The following DCDC1 variants were observed in gnomAD, a reference collection of about 807,000 sequenced individuals.
DCDC1 encodes doublecortin domain-containing protein 1.
DCDC1 carries 200 observed loss-of-function variants against 178.3 expected under a neutral mutation model. The observed-to-expected ratio is 1.12, with a 90% CI of 1.00 to 1.26. DCDC1 has a LOEUF of 1.26. DCDC1 is among the 50% of genes most tolerant of loss of function. DCDC1 has a pLI of 0.00. For missense variants in DCDC1, 1,983 were observed against 1,749.2 expected, an observed-to-expected ratio of 1.13 and a Z score of -2.38; for synonymous variants, 690 against 604.8, an observed-to-expected ratio of 1.14 and a Z score of -2.07.
intron 11 of DCDC1, among the ~76,000 whole-genome samples, chr11:31,112,304 C>A (rs1007054361): frequency 6.6e-6 from 1 of 152,110 alleles, no homozygotes; most frequent in Non-Finnish European, 1.5e-5. Context: ...TTTACTTATT[C>A]CTCCTTTGCC....
chr11:31,246,053 C>T (rs1943538239), intron 8 of DCDC1, among the ~76,000 whole-genome samples: 1 of 151,764 alleles, frequency 6.6e-6, no homozygotes, highest in Non-Finnish European at 1.5e-5. Context: ...AATATATATC[C>T]CTCTCCAAAA....
At chr11:31,361,303 G>T (rs1044932342) in intron 1 of DCDC1, among the ~76,000 whole-genome samples, 1 of 152,080 alleles carries the variant, frequency 6.6e-6, no homozygotes, top group Non-Finnish European at 1.5e-5. Flanking sequence ...TGCAAGGGAT[G>T]GAATTCCACA....
chr11:30,883,400 A>AAGG (rs1308980514), intron 36 of DCDC1: 2 of 400,408 alleles, frequency 5.0e-6, no homozygotes, highest in Admixed American at 7.0e-5. Flanking sequence ...AAACCTATAC[A>AAGG]TTATTGGTGT....
chr11:31,366,919 G>A (rs1241813223), intron 1 of DCDC1, among the ~76,000 whole-genome samples: 4 of 152,204 alleles, frequency 2.6e-5, no homozygotes, highest in African/African-American at 4.8e-5. Context: ...CTGTCTAGAT[G>A]CAGTAATCTG....
At chr11:31,305,815 A>G (rs775089612) in intron 5 of DCDC1, 38 bp from the exon 6 acceptor site, 13 of 1,601,200 alleles carry the variant, frequency 8.1e-6, no homozygotes, top group Non-Finnish European at 8.5e-7. Flanking sequence ...GTGATTTACT[A>G]CAAAGAAAGT....
At chr11:31,255,456 A>G (rs1049652913) in intron 8 of DCDC1, among the ~76,000 whole-genome samples, 21 of 151,956 alleles carry the variant, frequency 1.4e-4, no homozygotes, top group African/African-American at 5.1e-4. Flanking sequence ...TACATCCTCA[A>G]CAACACTTGT....
chr11:31,246,112 A>T (rs1393828980), intron 8 of DCDC1, among the ~76,000 whole-genome samples: 1 of 152,032 alleles, frequency 6.6e-6, no homozygotes, highest in Non-Finnish European at 1.5e-5. Flanking sequence ...TTTCAATCAA[A>T]TATGGAAAGC....
intron 11 of DCDC1, among the ~76,000 whole-genome samples, chr11:31,121,640 A>C (rs1960822736): frequency 6.6e-6 from 1 of 151,566 alleles, no homozygotes; most frequent in African/African-American, 2.4e-5. Flanking sequence ...CAATATGAAA[A>C]AGCAGCTCAG....
At chr11:31,068,111 A>G (rs1409174815) in intron 18 of DCDC1, among the ~76,000 whole-genome samples, 1 of 152,204 alleles carries the variant, frequency 6.6e-6, no homozygotes, top group Non-Finnish European at 1.5e-5. Context: ...AAAAGAAGAG[A>G]AAAGGGATCC....
intron 20 of DCDC1, among the ~76,000 whole-genome samples, chr11:30,964,990 T>C (rs987578178): frequency 1.3e-5 from 2 of 152,178 alleles, no homozygotes; most frequent in South Asian, 2.1e-4. Flanking sequence ...TCAGAAAAGA[T>C]AGGCATGGTA....
At chr11:31,058,293 C>T (rs1470473813) in intron 20 of DCDC1, among the ~76,000 whole-genome samples, 1 of 152,130 alleles carries the variant, frequency 6.6e-6, no homozygotes, top group African/African-American at 2.4e-5. Context: ...CATACCCCTT[C>T]ATTCATTTCT....
Position 30,915,565 on chromosome 11 carries a change from A to T in DCDC1, c.3599T>A (p.Val1200Glu), listed in dbSNP as rs1223654278. The change falls in exon 27 of 39, where the codon GTG becomes GAG. Residue 1200 changes from valine to glutamate, a missense_variant. Val to Glu is a moderately radical substitution (Grantham distance 121, BLOSUM62 -2). Transcript: ENST00000684477. ...ATGACTACCATCAGATTTCTTCTCC[A>T]CCAAAACCACCTCCATGCCTGATCG... ...NLRSGMEVVL[V>E]EKKSDGSHQR... The T allele has an allele frequency of 1.9e-6, 3 of 1,613,798 alleles. No individual in the cohort carries two copies. Among genetic ancestry groups the T allele is most frequent in the Non-Finnish European group, 2.5e-6 (3 of 1,179,864 alleles).
chr11:31,339,427 G>C (rs1313803038), intron 1 of DCDC1, among the ~76,000 whole-genome samples: 1 of 152,150 alleles, frequency 6.6e-6, no homozygotes, highest in Non-Finnish European at 1.5e-5. Context: ...TCTATTGTTT[G>C]TATACGATTC....
At chr11:31,077,014 C>A (rs1283573215) in intron 18 of DCDC1, among the ~76,000 whole-genome samples, 1 of 152,122 alleles carries the variant, frequency 6.6e-6, no homozygotes, top group Admixed American at 6.6e-5. Context: ...AGCTTGTTTT[C>A]CTTCTTGGAT....
At chr11:31,270,265 T>G in intron 7 of DCDC1, among the ~76,000 whole-genome samples, 1 of 152,202 alleles carries the variant, frequency 6.6e-6, no homozygotes, top group East Asian at 1.9e-4. Context: ...GATTTAAACA[T>G]GAAATTCAAA....
intron 9 of DCDC1, among the ~76,000 whole-genome samples, chr11:31,185,056 A>G (rs1969305782): frequency 6.6e-6 from 1 of 152,252 alleles, no homozygotes; most frequent in Non-Finnish European, 1.5e-5. Context: ...TGGCACATAT[A>G]CACTATGGAA....
At chr11:31,118,315 C>T (rs376385010) in intron 11 of DCDC1, among the ~76,000 whole-genome samples, 4 of 152,040 alleles carry the variant, frequency 2.6e-5, no homozygotes, top group Non-Finnish European at 5.9e-5. Flanking sequence ...AAAAGCTGTA[C>T]AAAAGCTTAC....
chr11:31,238,729 A>T (rs1010849932), intron 9 of DCDC1, among the ~76,000 whole-genome samples: 1 of 152,146 alleles, frequency 6.6e-6, no homozygotes, highest in African/African-American at 2.4e-5. Context: ...AATTAAATAG[A>T]TTCTGCTTAG....
In DCDC1 at chr11:30,915,726, T is replaced by C. The variant is rs754769817; in HGVS notation, c.3453-15A>G. On this transcript the variant is annotated splice_polypyrimidine_tract_variant and intron_variant, in intron 26 of 38. Transcript: ENST00000684477. ...TTGGTGAACAGCTGAGATAAAGAAA[T>C]CTCTATTAGTGGCAGAAAAATGTCC... The C allele has an allele frequency of 6.2e-7, 1 of 1,602,678 alleles. No individual in the cohort carries two copies. Among genetic ancestry groups the C allele is most frequent in the Non-Finnish European group, 8.5e-7 (1 of 1,174,116 alleles).
Sources: allele counts gnomAD v4.1 joint callset (sites outside exome capture counted in the v4.1 genomes callset), GRCh38; gene constraint gnomAD v4.1.1; transcripts MANE v1.5; gene names NCBI Gene and HGNC (gene_info 2026-07-23, HGNC 2026-07-21).